The following WBP4 variants were observed in gnomAD, a reference collection of about 807,000 sequenced individuals.
The protein encoded by WBP4 is WW domain binding protein 4, also known as WW domain-binding protein 4.
A neutral mutation model predicts 55.4 loss-of-function variants in WBP4; 37 were observed. That is an observed-to-expected ratio of 0.67 (90% CI 0.51 to 0.88). The LOEUF (loss-of-function observed/expected upper bound fraction) is 0.88, where lower values mean the gene tolerates loss of function less well. Among genes scored for constraint, WBP4 ranks in the 40% least tolerant of loss-of-function variants. The pLI is 0.00. For missense variants in WBP4, 398 were observed against 420.8 expected (o/e 0.95, Z 0.47); for synonymous variants, 142 against 140.2 (o/e 1.01, Z -0.09).
intron 6 of WBP4, among the ~76,000 whole-genome samples, chr13:41,072,370 C>A (rs1200860532): frequency 6.6e-6 from 1 of 152,156 alleles, no homozygotes; most frequent in Non-Finnish European, 1.5e-5. Context: ...GCAGGCTGTA[C>A]AGGAAGCATG....
In WBP4 at chr13:41,072,766, T is replaced by G; in HGVS notation, c.487-16T>G. 6.2e-7 allele frequency: 1 copy of G among 1,610,084 alleles called. No individual in the cohort carries two copies. Among genetic ancestry groups the G allele is most frequent in the Non-Finnish European group, 8.5e-7 (1 of 1,178,434 alleles). ...GGTTATCCTTAGTTTATGCTGGGTT[T>G]TTTTCCTCCTATTAGACAGCAGTGA... is the stretch of plus-strand genomic sequence containing the variant. On this transcript the variant is annotated splice_polypyrimidine_tract_variant and intron_variant, in intron 6 of 9. Coordinates refer to ENST00000379487, the MANE Select transcript of WBP4 (RefSeq NM_007187.5).
In WBP4 at chr13:41,062,652, A is replaced by G. The variant is rs1030323300; in HGVS notation, c.11A>G (p.Tyr4Cys). 7 of 1,613,718 alleles carry G rather than the reference A, an allele frequency of 4.3e-6. No individual in the cohort carries two copies. The highest frequency in any genetic ancestry group is 2.7e-5 in the African/African-American group (2 of 74,910). Residue 4 changes from tyrosine to cysteine, a missense_variant, in exon 2 of 10, where the codon TAC (tyrosine) becomes TGC (cysteine). Coordinates refer to ENST00000379487, the MANE Select transcript of WBP4 (RefSeq NM_007187.5). MAD[Y>C]WKSQPKKFCD... Reference sequence around the variant, plus strand: ...TTGTCTCTCTTTTTCAGGGCGGACTACTGGAAGTCACAGCCAAAGAAATTC... The same window carrying G: ...TTGTCTCTCTTTTTCAGGGCGGACTGCTGGAAGTCACAGCCAAAGAAATTC...
rs761438786 is a variant in WBP4, at chr13:41,080,789, T to C, written c.900T>C (p.Ile300=). 12 of 1,606,172 alleles carry C rather than the reference T, an allele frequency of 7.5e-6. No homozygotes were observed. The highest frequency in any genetic ancestry group is 1.1e-5 in the South Asian group (1 of 88,630). Residue 300 remains isoleucine (I), a synonymous_variant, in exon 9 of 10, where the codon ATT becomes ATC. Transcript: ENST00000379487. ...ACCCATATGGAGAATGGCAAGAAAT[T>C]AAACAAGAGGTTGAGTCTCAGTAAG... ...KSNPYGEWQE[I]KQEVESHEEV...
At chr13:41,075,286 GC>G (rs200689123) in intron 7 of WBP4, among the ~76,000 whole-genome samples, 3 of 152,024 alleles carry the variant, frequency 2.0e-5, no homozygotes, top group African/African-American at 4.8e-5. Context: ...TCCCATTGCT[GC>G]CCCCCCACCC....
intron 4 of WBP4, 111 bp from the exon 5 acceptor site, chr13:41,068,450 C>T: frequency 9.5e-7 from 1 of 1,050,344 alleles, no homozygotes; most frequent in Non-Finnish European, 1.3e-6. Context: ...GTGTTAAGTT[C>T]TCAAAAGAAC....
chr13:41,063,235 C>A (rs891640144), intron 2 of WBP4, among the ~76,000 whole-genome samples: 5 of 152,102 alleles, frequency 3.3e-5, no homozygotes, highest in Admixed American at 6.5e-5. Context: ...AGTTGAGATC[C>A]AGTTTTGAAG....
At chr13:41,073,432 G>A (rs1190511110) in intron 7 of WBP4, among the ~76,000 whole-genome samples, 1 of 151,546 alleles carries the variant, frequency 6.6e-6, no homozygotes, top group Non-Finnish European at 1.5e-5. Context: ...GGAGAATCTT[G>A]TACCTGGGAG....
At chr13:41,067,728 T>C (rs1402494262) in intron 4 of WBP4, among the ~76,000 whole-genome samples, 1 of 152,216 alleles carries the variant, frequency 6.6e-6, no homozygotes, top group Non-Finnish European at 1.5e-5. Context: ...TTGTTGTCCA[T>C]TTTTCTATTA....
rs1566207142 is a variant in WBP4 at position 41,062,688 on chromosome 13, G to GC, written c.48dup (p.Lys17GlnfsTer8). The GC allele has an allele frequency of 2.5e-6, 4 of 1,613,638 alleles. No individual in the cohort carries two copies. Among genetic ancestry groups the GC allele is most frequent in the South Asian group, 1.1e-5 (1 of 91,024 alleles). ...CAGCCAAAGAAATTCTGTGATTACT[G>GC]CAAGTGCTGGATAGCAGACAATAGG... On this transcript the variant is annotated frameshift_variant, in exon 2 of 10. Coordinates refer to ENST00000379487, the MANE Select transcript of WBP4 (RefSeq NM_007187.5). LOFTEE classifies it high-confidence loss of function.
At chr13:41,062,056 C>T in intron 1 of WBP4, 1 of 984,164 alleles carries the variant, frequency 1.0e-6, no homozygotes, top group Non-Finnish European at 1.2e-6. Context: ...CTGCGGCCTC[C>T]CCCGCCCACT....
intron 8 of WBP4, among the ~76,000 whole-genome samples, chr13:41,077,969 A>G (rs181320597): frequency 1.3e-5 from 2 of 152,338 alleles, no homozygotes; most frequent in East Asian, 1.9e-4. Context: ...TGAACTACAA[A>G]ACACTGATTA....
At chr13:41,079,541 CAAAAAAA>C (rs35433682) in intron 8 of WBP4, among the ~76,000 whole-genome samples, 1 of 101,698 alleles carries the variant, frequency 9.8e-6, no homozygotes, top group African/African-American at 3.8e-5. Context: ...GACTCCGTCT[CAAAAAAA>C]AAAAAAAAAA....
intron 4 of WBP4, among the ~76,000 whole-genome samples, chr13:41,065,610 A>G (rs1431606721): frequency 6.6e-6 from 1 of 152,194 alleles, no homozygotes; most frequent in Non-Finnish European, 1.5e-5. Context: ...TTTGGCTAAG[A>G]GACACTATTC....
chr13:41,071,319 G>A (rs981209272), intron 5 of WBP4, among the ~76,000 whole-genome samples: 10 of 152,130 alleles, frequency 6.6e-5, no homozygotes, highest in Admixed American at 1.3e-4. Context: ...CTAATCCCTC[G>A]TTCTGTCCTT....
chr13:41,063,877 C>T (rs1877822660), intron 2 of WBP4, among the ~76,000 whole-genome samples: 1 of 152,104 alleles, frequency 6.6e-6, no homozygotes, highest in East Asian at 1.9e-4. Context: ...TTTAAAATAG[C>T]TCAGTTAATG....
intron 2 of WBP4, among the ~76,000 whole-genome samples, chr13:41,062,965 A>G (rs529269785): frequency 5.9e-5 from 9 of 152,310 alleles, no homozygotes; most frequent in African/African-American, 1.9e-4. Flanking sequence ...TGAGTTGGTC[A>G]TATCATTCAT....
intron 1 of WBP4, chr13:41,062,315 A>C: frequency 6.2e-6 from 6 of 970,016 alleles, no homozygotes; most frequent in Non-Finnish European, 7.3e-6. Context: ...CCATTACAGC[A>C]ACCTCCCCCA....
intron 7 of WBP4, among the ~76,000 whole-genome samples, chr13:41,075,779 C>T (rs759536389): frequency 6.6e-6 from 1 of 151,934 alleles, no homozygotes; most frequent in Non-Finnish European, 1.5e-5. Context: ...AATTGTGAAC[C>T]GTTAGAAATA....
chr13:41,071,624 G>T, intron 6 of WBP4, 51 bp downstream of exon 6: 1 of 1,508,116 alleles, frequency 6.6e-7, no homozygotes. Flanking sequence ...ACAGTGATTC[G>T]TTTCTTAGGT....
Sources: gnomAD v4.1 joint callset for allele counts (sites outside exome capture counted in the v4.1 genomes callset) on GRCh38, gnomAD v4.1.1 for gene constraint, MANE v1.5 for transcripts, NCBI Gene and HGNC (gene_info 2026-07-23, HGNC 2026-07-21) for gene names.